The following KIF18A variants were observed in gnomAD, a reference collection of about 807,000 sequenced individuals.
KIF18A encodes the protein kinesin-like protein KIF18A.
KIF18A carries 67 observed loss-of-function variants against 103.3 expected under a neutral mutation model. That is an observed-to-expected ratio of 0.65 (90% CI 0.53 to 0.79). The LOEUF (loss-of-function observed/expected upper bound fraction) is 0.79, where lower values mean the gene tolerates loss of function less well. Ranked by LOEUF, KIF18A falls within the 30% of genes least tolerant of loss-of-function variation. KIF18A has a pLI of 0.00. For synonymous variants in KIF18A, 367 were observed against 355.5 expected (o/e 1.03, Z -0.36); for missense variants, 1,032 against 1,062.5 (o/e 0.97, Z 0.40).
Position 28,091,532 on chromosome 11 carries a change from G to T in KIF18A, c.484-19C>A. On this transcript the variant is annotated intron_variant, in intron 3 of 16. Transcript: ENST00000263181. ...TATATACCTTAAAATAAAAAGAACT[G>T]CTTTAGCATTGATGTAAAAAAAAAA... 2 of 1,350,364 alleles carry T rather than the reference G, an allele frequency of 1.5e-6. No homozygotes were observed. Among genetic ancestry groups the T allele is most frequent in the Non-Finnish European group, 2.1e-6 (2 of 956,556 alleles). The allele number at this position is 1,350,364 out of a possible 1,614,324, so 83.6% of individuals were successfully genotyped here.
In KIF18A at chr11:28,062,323, C is replaced by T. The variant is rs936047097; in HGVS notation, c.1712+72G>A. The stretch of plus-strand genomic sequence containing the variant: ...TAACACATAAAACTCAACTTTCTGG[C>T]AGTGGAAAATTGAACTTCTGTGCTT... On this transcript the variant is annotated intron_variant, in intron 12 of 16. Coordinates refer to ENST00000263181, the MANE Select transcript of KIF18A (RefSeq NM_031217.4). 7.4e-6 allele frequency: 10 copies of T among 1,354,348 alleles called. No individual in the cohort carries two copies. The African/African-American group carries it at 1.0e-4, about 14-fold the overall frequency. The allele number at this position is 1,354,348 out of a possible 1,614,324, so 83.9% of individuals were successfully genotyped here.
chr11:28,026,317 G>A (rs1850319885), intron 15 of KIF18A, among the ~76,000 whole-genome samples: 1 of 151,478 alleles, frequency 6.6e-6, no homozygotes, highest in South Asian at 2.1e-4. Flanking sequence ...AACTATATTA[G>A]AATATATACA....
chr11:28,025,105 C>T (rs760241127), intron 15 of KIF18A, among the ~76,000 whole-genome samples: 9 of 152,038 alleles, frequency 5.9e-5, no homozygotes, highest in Non-Finnish European at 1.0e-4. Context: ...CTACAATCGC[C>T]TGTTTTTGAA....
At chr11:28,101,127 C>T (rs1314530760) in intron 1 of KIF18A, among the ~76,000 whole-genome samples, 1 of 152,036 alleles carries the variant, frequency 6.6e-6, no homozygotes, top group Non-Finnish European at 1.5e-5. Flanking sequence ...TAGGCCAATT[C>T]TTCCTTGCTT....
chr11:28,033,522 T>A (rs1850438357), intron 15 of KIF18A, among the ~76,000 whole-genome samples: 1 of 151,792 alleles, frequency 6.6e-6, no homozygotes, highest in Non-Finnish European at 1.5e-5. Flanking sequence ...AGAGTACCAT[T>A]CAGCCATGAA....
At chr11:28,089,320 T>C (rs922715337) in intron 5 of KIF18A, among the ~76,000 whole-genome samples, 4 of 152,116 alleles carry the variant, frequency 2.6e-5, no homozygotes, top group African/African-American at 7.2e-5. Context: ...AAATCAAACA[T>C]GAGAGAAAAT....
intron 13 of KIF18A, among the ~76,000 whole-genome samples, chr11:28,042,682 T>G (rs771309544): frequency 4.0e-5 from 6 of 151,854 alleles, no homozygotes; most frequent in Non-Finnish European, 8.8e-5. Flanking sequence ...TTGGCACACT[T>G]GAGAAATACC....
chr11:28,074,430 C>T lies in KIF18A; in HGVS notation c.1425+2577G>A, dbSNP rs184150313. 1.0e-3 allele frequency among the ~76,000 whole-genome samples: 152 copies of T among 152,140 alleles called. 2 individuals carry two copies. The highest frequency in any genetic ancestry group is 3.4e-3 in the Middle Eastern group (1 of 294). ...ATAAATTCGAAGAAATAAATTGTTT[C>T]CTTTCTGCCTTAAAAGAATGCAAGG... On this transcript the variant is annotated intron_variant, in intron 10 of 16. Transcript: ENST00000263181.
At chr11:28,057,324 G>C (rs949246742) in intron 13 of KIF18A, among the ~76,000 whole-genome samples, 23 of 152,056 alleles carry the variant, frequency 1.5e-4, no homozygotes, top group African/African-American at 5.6e-4. Flanking sequence ...GACCATCCTG[G>C]CTAACATGGT....
At chr11:28,024,787 C>T (rs1026559547) in intron 15 of KIF18A, among the ~76,000 whole-genome samples, 2 of 151,790 alleles carry the variant, frequency 1.3e-5, no homozygotes, top group African/African-American at 4.8e-5. Flanking sequence ...GGAAAAAGAA[C>T]ATCCTTCCAC....
In KIF18A at chr11:28,084,780, T is replaced by C; in HGVS notation, c.926A>G (p.Asn309Ser). Residue 309 changes from asparagine (N) to serine (S), a missense_variant, in exon 7 of 17, where the codon AAT (asparagine) becomes AGT (serine). Transcript: ENST00000263181. ...KRKNQHIPYR[N>S]SKLTRLLKDS... is the part of the protein sequence containing the mutation. ...CTTTAACAAGCGAGTAAGCTTACTA[T>C]TTCTGTAAGGGATATGCTGATTCTT... The C allele has an allele frequency of 6.2e-7, 1 of 1,613,090 alleles. No homozygotes were observed. Among genetic ancestry groups the C allele is most frequent in the South Asian group, 1.1e-5 (1 of 90,988 alleles).
chr11:28,059,974 G>A (rs1850837760), intron 12 of KIF18A, among the ~76,000 whole-genome samples: 2 of 152,196 alleles, frequency 1.3e-5, no homozygotes, highest in South Asian at 4.1e-4. Context: ...TTTTGGAATG[G>A]CACTTAAAGG....
intron 10 of KIF18A, among the ~76,000 whole-genome samples, chr11:28,073,718 A>G (rs1414628080): frequency 1.3e-5 from 2 of 152,194 alleles, no homozygotes; most frequent in Admixed American, 6.6e-5. Flanking sequence ...TACTATTTAT[A>G]TGACAAGCAT....
chr11:28,071,739 T>C (rs965139432), intron 10 of KIF18A, among the ~76,000 whole-genome samples: 6 of 152,144 alleles, frequency 3.9e-5, no homozygotes, highest in Admixed American at 1.3e-4. Context: ...GTGTGACCTA[T>C]TGACTTTTCT....
At chr11:28,056,337 A>T (rs1850780221) in intron 13 of KIF18A, among the ~76,000 whole-genome samples, 1 of 152,102 alleles carries the variant, frequency 6.6e-6, no homozygotes, top group Admixed American at 6.6e-5. Flanking sequence ...GAAATTAAAA[A>T]TTTTATGGAT....
At chr11:28,070,776 C>T (rs1851002476) in intron 10 of KIF18A, among the ~76,000 whole-genome samples, 1 of 152,238 alleles carries the variant, frequency 6.6e-6, no homozygotes, top group African/African-American at 2.4e-5. Flanking sequence ...GATGGTGGCT[C>T]ATGCCAGTAA....
intron 3 of KIF18A, 136 bp downstream of exon 3, chr11:28,094,507 G>T: frequency 1.5e-6 from 1 of 683,760 alleles, no homozygotes; most frequent in African/African-American, 1.8e-5. Context: ...AGAAAAAGAT[G>T]CATAACAAAT....
rs749246727 is a variant in KIF18A at position 28,062,514 on chromosome 11, T to G, written c.1593A>C (p.Glu531Asp). The G allele has an allele frequency of 2.1e-5, 33 of 1,608,696 alleles. No homozygotes were observed. The highest frequency in any genetic ancestry group is 2.8e-5 in the Non-Finnish European group (33 of 1,177,352). ...LLSQNGHIPK[E>D]LKKDLHCHHL... The stretch of plus-strand genomic sequence containing the variant: ...GGTGACAATGAAGATCTTTCTTGAG[T>G]TCCTAGGGCAAACAATACAAAATGT... Residue 531 changes from glutamate (E) to aspartate (D), a missense_variant and splice_region_variant, in exon 12 of 17, where the codon GAA (glutamate) becomes GAC (aspartate). Transcript: ENST00000263181.
chr11:28,057,662 T>C (rs1433556840), intron 13 of KIF18A, among the ~76,000 whole-genome samples: 7 of 152,014 alleles, frequency 4.6e-5, no homozygotes, highest in Non-Finnish European at 1.0e-4. Context: ...TTTAACATGA[T>C]GCATTAAAAA....
Sources: allele counts gnomAD v4.1 joint callset (sites outside exome capture counted in the v4.1 genomes callset), GRCh38; gene constraint gnomAD v4.1.1; transcripts MANE v1.5; gene names NCBI Gene and HGNC (gene_info 2026-07-23, HGNC 2026-07-21).